The following CDK11A variants were observed in gnomAD, a reference collection of about 807,000 sequenced individuals.
CDK11A encodes cyclin-dependent kinase 11A.
Under a neutral mutation model 83.6 loss-of-function variants are expected in CDK11A, and 55 were observed. The ratio of observed to expected loss-of-function variants is 0.66; its 90% CI spans 0.53 to 0.82. The LOEUF is 0.82. Ranked by LOEUF, CDK11A falls within the 40% of genes least tolerant of loss-of-function variation. The probability of loss-of-function intolerance (pLI) is 0.00; values close to 1 mark genes in which losing one functional copy is unlikely to be tolerated. For synonymous variants in CDK11A, 247 were observed against 302.7 expected, an observed-to-expected ratio of 0.82 and a Z score of 1.91; for missense variants, 564 against 810.1, an observed-to-expected ratio of 0.70 and a Z score of 3.69.
Position 1,719,454 on chromosome 1 carries a change from C to T in CDK11A, c.229G>A (p.Gly77Arg), listed in dbSNP as rs771649177. Residue 77 changes from glycine to arginine, a missense_variant and splice_region_variant, in exon 4 of 20, where the codon GGA becomes AGA. Gly to Arg is a moderately radical substitution (Grantham distance 125). This residue lies in a region of CDK11A where 151 missense variants were observed against 147.4 expected (regional missense o/e 1.02). Transcript: ENST00000404249. ...ATGGCCAAAGAATCATCTTCTTCTC[C>T]TCTGAAATAAAACACAACAGCACTG... is the stretch of plus-strand genomic sequence containing the variant. Reference protein sequence around the residue: ...YRREDSMEDRGEEDDSLAIKP... With the variant: ...YRREDSMEDRREEDDSLAIKP... 1 of 1,494,514 alleles carries T rather than the reference C, an allele frequency of 6.7e-7. No individual in the cohort carries two copies. 92.6% of individuals were successfully genotyped at this position (1,494,514 alleles called of 1,614,324 possible). A position where few individuals can be genotyped will look rare whatever the true frequency, so the allele number is the denominator to read the frequency against.
intron 5 of CDK11A, among the ~76,000 whole-genome samples, chr1:1,715,596 A>T (rs1295476215): frequency 1.0e-3 from 153 of 149,188 alleles, no homozygotes; most frequent in African/African-American, 3.5e-3. Context: ...ACCCTTCGGC[A>T]TCAACAAGAA....
Position 1,702,696 on chromosome 1 carries a change from G to C in CDK11A, c.*211C>G, listed in dbSNP as rs1363653988. 4.8e-6 allele frequency: 3 copies of C among 625,548 alleles called. No individual in the cohort carries two copies. Among genetic ancestry groups the C allele is most frequent in the Admixed American group, 5.5e-5 (2 of 36,512 alleles). The allele number at this position is 625,548 out of a possible 1,614,324, so 38.7% of individuals were successfully genotyped here. On this transcript the variant is annotated 3_prime_UTR_variant, in exon 20 of 20. Transcript: ENST00000404249. Reference sequence around the variant, plus strand: ...GTGCTGCCCCACGTGGGCACCCGAAGATGCCCTGGCAAGTCACGGAGAAAA... The same window carrying C: ...GTGCTGCCCCACGTGGGCACCCGAACATGCCCTGGCAAGTCACGGAGAAAA...
chr1:1,717,165 CAGAAG>C (rs1163819025), intron 4 of CDK11A, among the ~76,000 whole-genome samples: 3 of 150,998 alleles, frequency 2.0e-5, no homozygotes, highest in South Asian at 4.2e-4. Flanking sequence ...TCTGCTATCA[CAGAAG>C]AGAATTGTAA....
chr1:1,718,386 G>A (rs573925112), intron 4 of CDK11A, among the ~76,000 whole-genome samples: 1 of 145,162 alleles, frequency 6.9e-6, no homozygotes, highest in Admixed American at 7.0e-5. Context: ...TCTGGTTTTC[G>A]GTCTGTGACA....
chr1:1,723,488 CAAAAAAAAAAA>C (rs768913380), intron 1 of CDK11A, among the ~76,000 whole-genome samples: 498 of 20,516 alleles, frequency 0.024, 3 homozygotes, highest in African/African-American at 0.046. Flanking sequence ...GACCCCGTCT[CAAAAAAAAAAA>C]AAAAAAAAAA....
rs1325752046 is a variant in CDK11A at position 1,720,868 on chromosome 1, T to C, written c.227+728A>G. Among the ~76,000 whole-genome samples, 4 of 151,018 alleles carry C rather than the reference T, an allele frequency of 2.6e-5. 1 individual carries two copies. The highest frequency in any genetic ancestry group is 4.9e-5 in the African/African-American group (2 of 41,068). ...CACCATGCCAGGCTAATTTTTGTAT[T>C]TGTAGTAGAGACAGGCTTTCACCAG... On this transcript the variant is annotated intron_variant, in intron 3 of 19. Transcript: ENST00000404249.
chr1:1,715,339 A>C (rs1644596364), intron 5 of CDK11A, among the ~76,000 whole-genome samples: 1 of 125,672 alleles, frequency 8.0e-6, no homozygotes, highest in East Asian at 2.2e-4. Flanking sequence ...GTCTGCCCCC[A>C]ACAATTTTTG....
rs1374616698 is a variant in CDK11A, at chr1:1,721,492, C to T, written c.227+104G>A. 7.4e-6 allele frequency: 10 copies of T among 1,343,672 alleles called. No homozygotes were observed. The East Asian group carries it at 1.9e-4, about 26-fold the overall frequency. The allele number at this position is 1,343,672 out of a possible 1,614,324, so 83.2% of individuals were successfully genotyped here. A position where few individuals can be genotyped will look rare whatever the true frequency, so the allele number is the denominator to read the frequency against. On this transcript the variant is annotated intron_variant, in intron 3 of 19. Coordinates refer to ENST00000404249, the MANE Select transcript of CDK11A (RefSeq NM_024011.4). ...ACGGTAACTCTAGGAAAGAGTAAAC[C>T]TTAATAGTTACAATAGCACACAGTT...
chr1:1,722,101 C>A (rs181782778), intron 2 of CDK11A, among the ~76,000 whole-genome samples: 1 of 150,430 alleles, frequency 6.6e-6, no homozygotes, highest in Non-Finnish European at 1.5e-5. Context: ...TGCGAGATTC[C>A]GTCTCAAAAA....
chr1:1,721,922 C>T (rs2206307), intron 2 of CDK11A: 472,287 of 549,288 alleles, frequency 0.86, 207,109 homozygotes, highest in Non-Finnish European at 0.92. Flanking sequence ...GAGGCCGAGG[C>T]GGGTGGATCA....
chr1:1,718,187 T>C (rs1409880011), intron 4 of CDK11A, among the ~76,000 whole-genome samples: 10 of 131,790 alleles, frequency 7.6e-5, no homozygotes, highest in East Asian at 5.2e-4. Flanking sequence ...GACACACGCA[T>C]GCTTTCAGCT....
At chr1:1,714,906 C>T (rs1644581422) in intron 5 of CDK11A, among the ~76,000 whole-genome samples, 1 of 149,240 alleles carries the variant, frequency 6.7e-6, no homozygotes, top group Non-Finnish European at 1.5e-5. Flanking sequence ...CCCAACCACA[C>T]TGTACTTCAT....
At chr1:1,717,031 C>T (rs1157030152) in intron 4 of CDK11A, among the ~76,000 whole-genome samples, 3 of 144,328 alleles carry the variant, frequency 2.1e-5, no homozygotes, top group African/African-American at 5.1e-5. Context: ...GCTGGGATTA[C>T]AGGCCTGGGC....
At chr1:1,708,017 G>A (rs558581049) in intron 10 of CDK11A, among the ~76,000 whole-genome samples, 163 bp downstream of exon 10, 1 of 147,544 alleles carries the variant, frequency 6.8e-6, no homozygotes, top group South Asian at 2.2e-4. Context: ...GTGCCTCGCT[G>A]AGGAATGCGG....
intron 13 of CDK11A, 60 bp downstream of exon 13, chr1:1,704,844 C>T (rs1295276217): frequency 1.2e-6 from 2 of 1,607,374 alleles, no homozygotes; most frequent in Non-Finnish European, 1.7e-6. Context: ...CCCAGGACAG[C>T]ACGGGGCCCT....
rs770894402 is a variant in CDK11A at position 1,703,251 on chromosome 1, G to C, written c.2079C>G (p.Pro693=). The C allele has an allele frequency of 4.3e-6, 2 of 465,766 alleles. No individual in the cohort carries two copies. The highest frequency in any genetic ancestry group is 7.7e-5 in the African/African-American group (1 of 12,954). 28.9% of individuals were successfully genotyped at this position (465,766 alleles called of 1,614,324 possible). The change falls in exon 19 of 20, where the codon CCC becomes CCG. Residue 693 remains proline, a synonymous_variant. Transcript: ENST00000404249. ...CGTCCTCAGCGCTGATCCTCCTCCC[G>C]GGGAAGTAGGTCAGGAACCTGGGGG... ...DLMNKFLTYF[P]GRRISAEDGL...
intron 5 of CDK11A, among the ~76,000 whole-genome samples, chr1:1,715,289 C>G (rs1644594708): frequency 7.6e-6 from 1 of 131,170 alleles, no homozygotes; most frequent in South Asian, 2.6e-4. Context: ...CTACCACACC[C>G]AGTTCTGGAT....
chr1:1,715,976 G>C (rs887433265), intron 5 of CDK11A, among the ~76,000 whole-genome samples: 5 of 150,824 alleles, frequency 3.3e-5, no homozygotes, highest in Admixed American at 1.3e-4. Flanking sequence ...AACCAGGCTG[G>C]AGTGCAGTAG....
In CDK11A at chr1:1,704,606, T is replaced by C. The variant is rs751299422; in HGVS notation, c.1508A>G (p.Tyr503Cys). 2.0e-5 allele frequency: 32 copies of C among 1,600,070 alleles called. 2 individuals carry two copies. The highest frequency in any genetic ancestry group is 4.1e-5 in the African/African-American group (3 of 73,518). Residue 503 changes from tyrosine (Y) to cysteine (C), a missense_variant, in exon 14 of 20, where the codon TAC (tyrosine) becomes TGC (cysteine). Tyr to Cys is a radical substitution (Grantham distance 194). This residue lies in a region of CDK11A where 361 missense variants were observed against 402.7 expected (regional missense o/e 0.90). Coordinates refer to ENST00000404249, the MANE Select transcript of CDK11A (RefSeq NM_024011.4). ...NMDKIYIVMN[Y>C]VEHDLKSLME... is the part of the protein sequence containing the mutation. ...CAGGCTCTTGAGGTCGTGCTCCACG[T>C]AGTTCATCACGATGTAGATCTTGTC...
Sources: gnomAD v4.1 joint callset for allele counts (sites outside exome capture counted in the v4.1 genomes callset) on GRCh38, gnomAD v4.1.1 for gene constraint, gnomAD v4.1.1 regional missense constraint, MANE v1.5 for transcripts, NCBI Gene and HGNC (gene_info 2026-07-23, HGNC 2026-07-21) for gene names.